The following SHC2 variants were observed in gnomAD, a reference collection of about 807,000 sequenced individuals.
SHC2 encodes the protein SHC adaptor protein 2.
SHC2 carries 62 observed loss-of-function variants against 60.6 expected under a neutral mutation model. The observed-to-expected ratio is 1.02, with a 90% CI of 0.83 to 1.26. The LOEUF (loss-of-function observed/expected upper bound fraction) is 1.26. Ranked by LOEUF, SHC2 falls within the 50% of genes most tolerant of loss-of-function variation. The pLI, the probability that SHC2 is intolerant of heterozygous loss-of-function variation, is 0.00. For missense variants in SHC2, 873 were observed against 822.2 expected (o/e 1.06, Z -0.76); for synonymous variants, 375 against 372.4 (o/e 1.01, Z -0.08).
chr19:434,642 G>C, intron 8 of SHC2, 67 bp downstream of exon 8: 2 of 1,472,742 alleles, frequency 1.4e-6, no homozygotes, highest in South Asian at 1.3e-5. Context: ...AGAAGAGCTG[G>C]AGGTAGGTCC....
At chr19:459,976 C>T (rs116904552) in intron 1 of SHC2, among the ~76,000 whole-genome samples, 2,082 of 152,306 alleles carry the variant, frequency 0.014, 41 homozygotes, top group South Asian at 0.05. Context: ...TGTGTCCAGG[C>T]GCCCGACTTC....
At chr19:434,687 C>T in intron 8 of SHC2, 22 bp downstream of exon 8, 3 of 1,587,746 alleles carry the variant, frequency 1.9e-6, no homozygotes, top group Non-Finnish European at 1.7e-6. Context: ...CTGTCCCCAT[C>T]CCCCCGAGGG....
intron 9 of SHC2, among the ~76,000 whole-genome samples, chr19:428,703 C>T (rs1974481392): frequency 6.6e-6 from 1 of 152,176 alleles, no homozygotes; most frequent in Non-Finnish European, 1.5e-5. Flanking sequence ...GCTCATTGAA[C>T]GGCTTTTTAA....
In SHC2 at chr19:422,214, GC is replaced by G. The variant is rs776017400; in HGVS notation, c.1551del (p.Gln518SerfsTer37). On this transcript the variant is annotated frameshift_variant, in exon 11 of 13. Coordinates refer to ENST00000264554, the MANE Select transcript of SHC2 (RefSeq NM_012435.3). LOFTEE classifies it high-confidence loss of function. This position sits in a 1 kb window ranked among gnomAD's most constrained non-coding sequence, Gnocchi z 5.0. ...GCGTGCATGCCGGTGAGGACATACT[GC>G]CCGGGGTTGGTGACGCTGTCTCGCA... ...FLVRDSVTNP[G>X]QYVLTGMHAG... The G allele has an allele frequency of 1.2e-6, 2 of 1,612,616 alleles. No individual in the cohort carries two copies. Among genetic ancestry groups the G allele is most frequent in the Non-Finnish European group, 8.5e-7 (1 of 1,179,690 alleles).
At chr19:460,449 G>T in intron 1 of SHC2, 80 bp downstream of exon 1, 1 of 652,996 alleles carries the variant, frequency 1.5e-6, no homozygotes, top group South Asian at 5.0e-5. Context: ...TGGCTCGCGG[G>T]GTCCGGGGGT....
At chr19:451,747 G>A (rs928006391) in intron 1 of SHC2, among the ~76,000 whole-genome samples, 19 of 152,156 alleles carry the variant, frequency 1.2e-4, no homozygotes, top group Admixed American at 4.6e-4. Context: ...ACAGTTGCCC[G>A]CCATCACACC....
intron 9 of SHC2, among the ~76,000 whole-genome samples, chr19:429,949 G>A (rs957722391): frequency 6.8e-5 from 10 of 147,372 alleles, no homozygotes; most frequent in African/African-American, 2.5e-4. Flanking sequence ...AACGTGCACA[G>A]AAACCTAATA....
Position 418,939 on chromosome 19 carries a change from G to A in SHC2, c.1738C>T (p.Arg580Trp), listed in dbSNP as rs780525511. ...GCCACACACCTGGCTCAGGGCTCCC[G>A]TGAGACCACGCCACGCAGGTGCAGC... ...SELHLRGVVS[R>W]EP Residue 580 changes from arginine (R) to tryptophan (W), a missense_variant, in exon 12 of 13, where the codon CGG (arginine) becomes TGG (tryptophan). Transcript: ENST00000264554. 9.2e-5 allele frequency: 146 copies of A among 1,589,352 alleles called. 1 individual carries two copies. The highest frequency in any genetic ancestry group is 2.6e-4 in the South Asian group (23 of 87,192).
rs773173193 is a variant in SHC2 at position 425,063 on chromosome 19, C to T, written c.1309+34G>A. On this transcript the variant is annotated intron_variant, in intron 10 of 12. Transcript: ENST00000264554. The surrounding 1 kb of genome is among the most constrained non-coding windows in gnomAD (Gnocchi z 4.1). ...TCCCCCATCAGACAACACGGCCACA[C>T]GCGATGACGGCCGCCCCCCAGGCTG... is the stretch of plus-strand genomic sequence containing the variant. The T allele has an allele frequency of 8.9e-6, 12 of 1,355,612 alleles. No homozygotes were observed. Among genetic ancestry groups the T allele is most frequent in the South Asian group, 2.2e-5 (1 of 45,102 alleles). The allele number at this position is 1,355,612 out of a possible 1,614,324, so 84.0% of individuals were successfully genotyped here. A position where few individuals can be genotyped will look rare whatever the true frequency, so the allele number is the denominator to read the frequency against.
At chr19:455,796 G>A (rs1010997597) in intron 1 of SHC2, among the ~76,000 whole-genome samples, 11 of 152,076 alleles carry the variant, frequency 7.2e-5, no homozygotes, top group Non-Finnish European at 1.0e-4. Flanking sequence ...CCTTCCTCCC[G>A]GTTAGCAGCC....
rs1235484497 is a variant in SHC2 at position 460,796 on chromosome 19, C to T, written c.201G>A (p.Ala67=). 1.0e-6 allele frequency: 1 copy of T among 978,810 alleles called. No individual in the cohort carries two copies. Among genetic ancestry groups the T allele is most frequent in the Middle Eastern group, 5.2e-4 (1 of 1,906 alleles). The allele number at this position is 978,810 out of a possible 1,614,324, so 60.6% of individuals were successfully genotyped here. A position where few individuals can be genotyped will look rare whatever the true frequency, so the allele number is the denominator to read the frequency against. The change falls in exon 1 of 13, where the codon GCG becomes GCA. Residue 67 remains alanine (A), a synonymous_variant. Coordinates refer to ENST00000264554, the MANE Select transcript of SHC2 (RefSeq NM_012435.3). ...CCAGCGCCGGGACGCCCCCCGGGCC[C>T]GCCGGCTCGGGTTGGGGGTCCGCGC... The part of the protein sequence containing the change: ...SGGADPQPEP[A]GPGGVPALAA...
chr19:441,101 G>T lies in SHC2; in HGVS notation c.469-169C>A. The T allele has an allele frequency of 2.0e-6, 2 of 984,200 alleles. No individual in the cohort carries two copies. The highest frequency in any genetic ancestry group is 2.4e-6 in the Non-Finnish European group (2 of 829,158). 61.0% of individuals were successfully genotyped at this position (984,200 alleles called of 1,614,324 possible). A position where few individuals can be genotyped will look rare whatever the true frequency, so the allele number is the denominator to read the frequency against. ...CTCCCCCACCTCAAGGCCCAGCCTT[G>T]ACACTGTCCTGCGAGCCGCCCCCTC... On this transcript the variant is annotated intron_variant, in intron 1 of 12. Transcript: ENST00000264554. The surrounding 1 kb of genome is among the most constrained non-coding windows in gnomAD (Gnocchi z 4.9).
chr19:417,073 G>C lies in SHC2; in HGVS notation c.*255C>G, dbSNP rs1974169037. ...ATATATTTTCTTTAAAGGCGAAATG[G>C]TTCCGTCTTTGGTATGAACACCCTC... On this transcript the variant is annotated 3_prime_UTR_variant, in exon 13 of 13. Coordinates refer to ENST00000264554, the MANE Select transcript of SHC2 (RefSeq NM_012435.3). 1 of 152,790 alleles carries C rather than the reference G, an allele frequency of 6.5e-6. No individual in the cohort carries two copies. The highest frequency in any genetic ancestry group is 2.4e-5 in the African/African-American group (1 of 41,478). 9.5% of individuals were successfully genotyped at this position (152,790 alleles called of 1,614,324 possible).
chr19:455,234 T>C (rs928982620), intron 1 of SHC2, among the ~76,000 whole-genome samples: 1 of 152,106 alleles, frequency 6.6e-6, no homozygotes, highest in African/African-American at 2.4e-5. Flanking sequence ...ACAATCAAGG[T>C]CCCTTTGGCG....
chr19:436,593 G>C (rs375662802), intron 5 of SHC2, 37 bp downstream of exon 5: 1 of 1,595,226 alleles, frequency 6.3e-7, no homozygotes, highest in Admixed American at 1.7e-5. Context: ...GGAGGGGGGC[G>C]GCAGGGCTGC....
intron 2 of SHC2, among the ~76,000 whole-genome samples, chr19:439,743 C>G (rs1419162590): frequency 6.6e-6 from 1 of 151,990 alleles, no homozygotes; most frequent in Non-Finnish European, 1.5e-5. Flanking sequence ...CAAACAAATG[C>G]ATGCAGGCGC....
intron 11 of SHC2, among the ~76,000 whole-genome samples, chr19:420,043 G>A (rs1395928307): frequency 2.6e-5 from 4 of 152,198 alleles, no homozygotes; most frequent in Non-Finnish European, 5.9e-5. Flanking sequence ...TGTGGCACTG[G>A]GAATGGGAGC....
At chr19:442,031 A>AG (rs1397568164) in intron 1 of SHC2, among the ~76,000 whole-genome samples, 2 of 152,216 alleles carry the variant, frequency 1.3e-5, no homozygotes, top group African/African-American at 4.8e-5. Context: ...GTGAGAATGC[A>AG]GGCAGGAAGC....
At chr19:431,540 C>T (rs1377365765) in intron 8 of SHC2, among the ~76,000 whole-genome samples, 2 of 39,704 alleles carry the variant, frequency 5.0e-5, no homozygotes, top group African/African-American at 5.5e-4. Flanking sequence ...TAGAGGAGGC[C>T]GGGCAGATGG....
Sources: allele counts gnomAD v4.1 joint callset (sites outside exome capture counted in the v4.1 genomes callset), GRCh38; gene constraint gnomAD v4.1.1; non-coding constraint Gnocchi (gnomAD v3.1); transcripts MANE v1.5; gene names NCBI Gene and HGNC (gene_info 2026-07-23, HGNC 2026-07-21).